The following ARL8A variants were observed in gnomAD, a reference collection of about 807,000 sequenced individuals.
ARL8A encodes ADP-ribosylation factor-like protein 8A.
In ARL8A, 10 loss-of-function variants were observed where a neutral mutation model predicts 31.2. The ratio of observed to expected loss-of-function variants is 0.32; its 90% CI spans 0.20 to 0.54. ARL8A has a LOEUF of 0.54. Ranked by LOEUF, ARL8A falls within the 20% of genes least tolerant of loss-of-function variation. The probability of loss-of-function intolerance (pLI) is 0.93; values close to 1 mark genes in which losing one functional copy is unlikely to be tolerated. For synonymous variants in ARL8A, 70 were observed against 86.9 expected (o/e 0.81, Z 1.08); for missense variants, 129 against 242.8 (o/e 0.53, Z 3.12).
At position 202,135,559 on chromosome 1, in the gene ARL8A, G is replaced by A. The variant is rs1297579339; in HGVS notation, c.373-33C>T. The A allele has an allele frequency of 6.2e-7, 1 of 1,610,792 alleles. No individual in the cohort carries two copies. The highest frequency in any genetic ancestry group is 1.1e-5 in the South Asian group (1 of 90,978). On this transcript the variant is annotated intron_variant, in intron 4 of 6. Transcript: ENST00000272217. This position sits in a 1 kb window ranked among gnomAD's most constrained non-coding sequence, Gnocchi z 5.3. ...GAAGGGAGGGTGAGGATGAGGTCTA[G>A]GGCAGCCGTGCCCAGGTTGTCTGGG...
chr1:202,143,280 C>T (rs549849400), intron 1 of ARL8A, among the ~76,000 whole-genome samples: 2 of 152,348 alleles, frequency 1.3e-5, no homozygotes, highest in Admixed American at 6.5e-5. Flanking sequence ...AATGAAGTGA[C>T]GTCCCCTGCC....
rs150786481 is a variant in ARL8A at position 202,140,742 on chromosome 1, G to T, written c.124-2294C>A. Among the ~76,000 whole-genome samples, 5 of 152,310 alleles carry T rather than the reference G, an allele frequency of 3.3e-5. No individual in the cohort carries two copies. The East Asian group carries it at 9.6e-4, about 29-fold the overall frequency. On this transcript the variant is annotated intron_variant, in intron 1 of 6. Coordinates refer to ENST00000272217, the MANE Select transcript of ARL8A (RefSeq NM_138795.4). Reference sequence around the variant, plus strand: ...GAGGAAGAGGGAATGGCTTCTTCTAGCTAAGCAGGGAGAATTAAGTGTGCT... The same window carrying T: ...GAGGAAGAGGGAATGGCTTCTTCTATCTAAGCAGGGAGAATTAAGTGTGCT...
intron 1 of ARL8A, among the ~76,000 whole-genome samples, chr1:202,140,788 A>C (rs2147813399): frequency 6.6e-6 from 1 of 152,316 alleles, no homozygotes; most frequent in South Asian, 2.1e-4. Context: ...AAACCCCGGC[A>C]GCCTGCTGCA....
At position 202,135,664 on chromosome 1, in the gene ARL8A, C is replaced by T; in HGVS notation, c.372+43G>A. Reference sequence around the variant, plus strand: ...CTTTTACCTGCTCCCAGTGACTTCCCAGCCGAGCTCCCTCCCCATCCCGCT... The same window carrying T: ...CTTTTACCTGCTCCCAGTGACTTCCTAGCCGAGCTCCCTCCCCATCCCGCT... On this transcript the variant is annotated intron_variant, in intron 4 of 6. Coordinates refer to ENST00000272217, the MANE Select transcript of ARL8A (RefSeq NM_138795.4). This position sits in a 1 kb window ranked among gnomAD's most constrained non-coding sequence, Gnocchi z 5.3. The T allele has an allele frequency of 6.3e-7, 1 of 1,596,340 alleles. No individual in the cohort carries two copies.
At chr1:202,137,920 G>A (rs377028943) in intron 3 of ARL8A, 45 bp downstream of exon 3, 3 of 1,608,276 alleles carry the variant, frequency 1.9e-6, no homozygotes, top group Non-Finnish European at 2.6e-6. Context: ...AGGGCTAGGG[G>A]GGCCGGGTAA....
chr1:202,139,006 G>A lies in ARL8A; in HGVS notation c.124-558C>T, dbSNP rs116442288. On this transcript the variant is annotated intron_variant, in intron 1 of 6. Coordinates refer to ENST00000272217, the MANE Select transcript of ARL8A (RefSeq NM_138795.4). Reference sequence around the variant, plus strand: ...GGAAGGATAACCTACACTCTATATCGTCTGCTTATTTATCTATGTGTCTCC... The same window carrying A: ...GGAAGGATAACCTACACTCTATATCATCTGCTTATTTATCTATGTGTCTCC... Among the ~76,000 whole-genome samples the A allele has an allele frequency of 9.0e-3, 1,366 of 152,188 alleles. 19 individuals carry two copies. The highest frequency in any genetic ancestry group is 0.03 in the African/African-American group (1,252 of 41,512).
rs1654974134 is a variant in ARL8A at position 202,135,288 on chromosome 1, C to T, written c.441-68G>A. Reference sequence around the variant, plus strand: ...CAGGGGGCCTGGGGCTAGGGGACAGCGGGGCCTTTTTCTTACCTAAGAGGC... The same window carrying T: ...CAGGGGGCCTGGGGCTAGGGGACAGTGGGGCCTTTTTCTTACCTAAGAGGC... On this transcript the variant is annotated intron_variant, in intron 5 of 6. Transcript: ENST00000272217. This position sits in a 1 kb window ranked among gnomAD's most constrained non-coding sequence, Gnocchi z 5.3. 3 of 1,532,796 alleles carry T rather than the reference C, an allele frequency of 2.0e-6. No homozygotes were observed. Among genetic ancestry groups the T allele is most frequent in the Non-Finnish European group, 2.7e-6 (3 of 1,106,870 alleles). 94.9% of individuals were successfully genotyped at this position (1,532,796 alleles called of 1,614,324 possible). A position where few individuals can be genotyped will look rare whatever the true frequency, so the allele number is the denominator to read the frequency against.
Position 202,135,281 on chromosome 1 carries a change from G to T in ARL8A, c.441-61C>A. 6.5e-7 allele frequency: 1 copy of T among 1,542,288 alleles called. No homozygotes were observed. The highest frequency in any genetic ancestry group is 9.0e-7 in the Non-Finnish European group (1 of 1,115,136). ...GAACGTCCAGGGGGCCTGGGGCTAGGGGACAGCGGGGCCTTTTTCTTACCT... is the reference window on the plus strand; with the variant it reads ...GAACGTCCAGGGGGCCTGGGGCTAGTGGACAGCGGGGCCTTTTTCTTACCT... On this transcript the variant is annotated intron_variant, in intron 5 of 6. Transcript: ENST00000272217. The surrounding 1 kb of genome is among the most constrained non-coding windows in gnomAD (Gnocchi z 5.3).
chr1:202,135,016 C>T lies in ARL8A; in HGVS notation c.511+134G>A, dbSNP rs932712919. The stretch of plus-strand genomic sequence containing the variant: ...CTGGGATAGTGCCCAGAATCTGGGC[C>T]ACCTGGCTGCCTTTTCTACCCAAGA... On this transcript the variant is annotated intron_variant, in intron 6 of 6. Transcript: ENST00000272217. The surrounding 1 kb of genome is among the most constrained non-coding windows in gnomAD (Gnocchi z 5.3). 1 of 833,498 alleles carries T rather than the reference C, an allele frequency of 1.2e-6. No homozygotes were observed. Among genetic ancestry groups the T allele is most frequent in the Non-Finnish European group, 1.9e-6 (1 of 515,728 alleles). 51.6% of individuals were successfully genotyped at this position (833,498 alleles called of 1,614,324 possible).
In ARL8A at chr1:202,144,544, TC is replaced by T; in HGVS notation, c.28del (p.Asp10ThrfsTer30). MIALFNKLLDWFKALFWKEE... is the reference protein window; with the variant it reads MIALFNKLLXWFKALFWKEE... Reference sequence around the variant, plus strand: ...CTTCCAGAATAGGGCCTTGAACCAGTCCAGCAGCTTGTTGAACAAAGCGATC... The same window carrying T: ...CTTCCAGAATAGGGCCTTGAACCAGTCAGCAGCTTGTTGAACAAAGCGATC... On this transcript the variant is annotated frameshift_variant, in exon 1 of 7. Coordinates refer to ENST00000272217, the MANE Select transcript of ARL8A (RefSeq NM_138795.4). LOFTEE classifies it high-confidence loss of function. The surrounding 1 kb of genome is among the most constrained non-coding windows in gnomAD (Gnocchi z 5.2). The T allele has an allele frequency of 1.4e-6, 2 of 1,453,498 alleles. No homozygotes were observed. The highest frequency in any genetic ancestry group is 1.8e-6 in the Non-Finnish European group (2 of 1,083,320). The allele number at this position is 1,453,498 out of a possible 1,614,324, so 90.0% of individuals were successfully genotyped here.
Position 202,134,550 on chromosome 1 carries a change from T to G in ARL8A, c.512-34A>C, listed in dbSNP as rs200958333. ...AGAAAAGAGAACAGCTTATAAGGCCTGCAAGTACTGGCCGTGCTGGGGCAG... is the reference window on the plus strand; with the variant it reads ...AGAAAAGAGAACAGCTTATAAGGCCGGCAAGTACTGGCCGTGCTGGGGCAG... On this transcript the variant is annotated intron_variant, in intron 6 of 6. Coordinates refer to ENST00000272217, the MANE Select transcript of ARL8A (RefSeq NM_138795.4). This position sits in a 1 kb window ranked among gnomAD's most constrained non-coding sequence, Gnocchi z 4.2. 1.9e-6 allele frequency: 3 copies of G among 1,588,648 alleles called. No homozygotes were observed. Among genetic ancestry groups the G allele is most frequent in the Non-Finnish European group, 2.6e-6 (3 of 1,156,962 alleles).
At chr1:202,140,591 C>T (rs1426762782) in intron 1 of ARL8A, among the ~76,000 whole-genome samples, 2 of 152,108 alleles carry the variant, frequency 1.3e-5, no homozygotes, top group African/African-American at 2.4e-5. Context: ...CCCTGAACCC[C>T]CTGAAACTGT....
At chr1:202,143,253 C>T (rs1655208863) in intron 1 of ARL8A, among the ~76,000 whole-genome samples, 1 of 152,192 alleles carries the variant, frequency 6.6e-6, no homozygotes, top group Non-Finnish European at 1.5e-5. Flanking sequence ...TTCCATCTGC[C>T]TTCATGCCTC....
rs192794747 is a variant in ARL8A, at chr1:202,135,368, C to T, written c.440+91G>A. 2 of 1,526,610 alleles carry T rather than the reference C, an allele frequency of 1.3e-6. No homozygotes were observed. Among genetic ancestry groups the T allele is most frequent in the Non-Finnish European group, 1.8e-6 (2 of 1,101,144 alleles). The allele number at this position is 1,526,610 out of a possible 1,614,324, so 94.6% of individuals were successfully genotyped here. The stretch of plus-strand genomic sequence containing the variant: ...GGTCGGCTCTGCTGCCACCGTGTGG[C>T]TAATACTAAGAACAGCAGCAAGCCT... On this transcript the variant is annotated intron_variant, in intron 5 of 6. Coordinates refer to ENST00000272217, the MANE Select transcript of ARL8A (RefSeq NM_138795.4). The surrounding 1 kb of genome is among the most constrained non-coding windows in gnomAD (Gnocchi z 5.3).
chr1:202,142,297 A>G (rs766524338), intron 1 of ARL8A, among the ~76,000 whole-genome samples: 4 of 152,278 alleles, frequency 2.6e-5, no homozygotes, highest in East Asian at 3.8e-4. Flanking sequence ...AAAAAACCCA[A>G]TGGCGAAAGA....
At chr1:202,136,553 AC>A in intron 3 of ARL8A, among the ~76,000 whole-genome samples, 1 of 152,112 alleles carries the variant, frequency 6.6e-6, no homozygotes, top group Admixed American at 6.5e-5. Flanking sequence ...TGCTGGGATT[AC>A]AGGCATGAGC....
Position 202,137,623 on chromosome 1 carries a change from C to T in ARL8A, c.278+342G>A, listed in dbSNP as rs576050096. 6.5e-5 allele frequency among the ~76,000 whole-genome samples: 8 copies of T among 122,672 alleles called. No homozygotes were observed. In the East Asian group the frequency reaches 1.2e-3, roughly 19 times the overall value. The allele number at this position is 122,672 out of a possible 152,430, so 80.5% of individuals were successfully genotyped here. On this transcript the variant is annotated intron_variant, in intron 3 of 6. Coordinates refer to ENST00000272217, the MANE Select transcript of ARL8A (RefSeq NM_138795.4). ...AGCCTGGGCAACAAGAGCGAAACTC[C>T]GTCTCAAAAAAAAAAAAAAGAATCA...
At chr1:202,142,661 G>A (rs1655192922) in intron 1 of ARL8A, among the ~76,000 whole-genome samples, 1 of 152,186 alleles carries the variant, frequency 6.6e-6, no homozygotes. Flanking sequence ...TGCTTTTCCT[G>A]TATATCACAG....
Position 202,136,941 on chromosome 1 carries a change from G to A in ARL8A, c.278+1024C>T, listed in dbSNP as rs142620734. On this transcript the variant is annotated intron_variant, in intron 3 of 6. Coordinates refer to ENST00000272217, the MANE Select transcript of ARL8A (RefSeq NM_138795.4). ...GCGATCTCGGCTCACTGCAAGCTCC[G>A]CCTCCTGGGTTCACGCCATTCTCCT... Among the ~76,000 whole-genome samples the A allele has an allele frequency of 5.9e-3, 903 of 151,832 alleles. 3 individuals are homozygous for A. The highest frequency in any genetic ancestry group is 9.2e-3 in the Non-Finnish European group (627 of 67,966).
Sources: allele counts gnomAD v4.1 joint callset (sites outside exome capture counted in the v4.1 genomes callset), GRCh38; gene constraint gnomAD v4.1.1; non-coding constraint Gnocchi (gnomAD v3.1); transcripts MANE v1.5; gene names NCBI Gene and HGNC (gene_info 2026-07-23, HGNC 2026-07-21).